IQSEC1: variants seen among roughly 807,000 people sequenced by gnomAD.
IQSEC1 encodes IQ motif and SEC7 domain-containing protein 1.
Under a neutral mutation model 91.0 loss-of-function variants are expected in IQSEC1, and 31 were observed. The observed-to-expected ratio is 0.34, with a 90% confidence interval of 0.26 to 0.46. The LOEUF is 0.46. IQSEC1 is among the 20% of genes least tolerant of loss of function. The pLI, the probability that IQSEC1 is intolerant of heterozygous loss-of-function variation, is 1.00. For synonymous variants in IQSEC1, 699 were observed against 662.6 expected, an observed-to-expected ratio of 1.05 and a Z score of -0.84; for missense variants, 1,388 against 1,575.6, an observed-to-expected ratio of 0.88 and a Z score of 2.02.
In IQSEC1 at chr3:12,935,015, G is replaced by A. The variant is rs1016207497; in HGVS notation, c.1568+433C>T. 2.4e-4 allele frequency among the ~76,000 whole-genome samples: 36 copies of A among 151,802 alleles called. No individual in the cohort carries two copies. Among genetic ancestry groups the A allele is most frequent in the Admixed American group, 4.6e-4 (7 of 15,256 alleles). Reference sequence around the variant, plus strand: ...CCCACAAGACACAGCCCTGGGTCTCGCCTGTCTGCCCCTGCCCCCCACTGA... The same window carrying A: ...CCCACAAGACACAGCCCTGGGTCTCACCTGTCTGCCCCTGCCCCCCACTGA... On this transcript the variant is annotated intron_variant, in intron 3 of 13. Transcript: ENST00000613206. The surrounding 1 kb of genome is among the most constrained non-coding windows in gnomAD (Gnocchi z 8.0).
At chr3:13,244,262 A>T (rs992911117) in intron 1 of IQSEC1, among the ~76,000 whole-genome samples, 1 of 152,156 alleles carries the variant, frequency 6.6e-6, no homozygotes, top group East Asian at 1.9e-4. Context: ...GTGCGATCTC[A>T]GCTTACTGCA....
chr3:13,143,865 G>T lies in IQSEC1; in HGVS notation c.302+20239C>A, dbSNP rs556195794. Among the ~76,000 whole-genome samples, 30 of 152,290 alleles carry T rather than the reference G, an allele frequency of 2.0e-4. No individual in the cohort carries two copies. In the South Asian group the frequency reaches 3.5e-3, roughly 18 times the overall value. ...GATGCAGCCTTGCCTGATGCCAGCTGCCCTTAGATTTTTTAGTTGCATAAA... is the reference window on the plus strand; with the variant it reads ...GATGCAGCCTTGCCTGATGCCAGCTTCCCTTAGATTTTTTAGTTGCATAAA... On this transcript the variant is annotated intron_variant, in intron 2 of 15. Transcript: ENST00000648114.
chr3:13,113,174 G>A (rs987194783), intron 2 of IQSEC1, among the ~76,000 whole-genome samples: 1 of 152,190 alleles, frequency 6.6e-6, no homozygotes. Flanking sequence ...ACACAGCTTG[G>A]GGGAAGCAGA....
Position 12,994,507 on chromosome 3 carries a change from C to G in IQSEC1, c.24-52642G>C, listed in dbSNP as rs1702144459. On this transcript the variant is annotated intron_variant, in intron 1 of 13. Transcript: ENST00000613206. The surrounding 1 kb of genome is among the most constrained non-coding windows in gnomAD (Gnocchi z 4.5). ...AGGCGCGGAACCGGGGGCACTGCGA[C>G]CCCCGGCATTTCCCTCAGACTACCC... 6.6e-6 allele frequency among the ~76,000 whole-genome samples: 1 copy of G among 152,118 alleles called. No homozygotes were observed. Among genetic ancestry groups the G allele is most frequent in the Non-Finnish European group, 1.5e-5 (1 of 68,002 alleles).
chr3:12,901,184 T>G lies in IQSEC1; in HGVS notation c.3144A>C (p.Pro1048=). The G allele has an allele frequency of 1.3e-6, 2 of 1,535,516 alleles. No individual in the cohort carries two copies. Among genetic ancestry groups the G allele is most frequent in the Non-Finnish European group, 1.8e-6 (2 of 1,138,596 alleles). The change falls in exon 14 of 14, where the codon CCA becomes CCC. Residue 1048 remains proline, a synonymous_variant. Transcript: ENST00000613206. The part of the protein sequence containing the change: ...PPYHHHHHHH[P]PQHIQHAHQY... ...GGTGTGCGTGCTGGATGTGCTGGGG[T>G]GGGTGGTGGTGGTGGTGATGGTGGT... is the stretch of plus-strand genomic sequence containing the variant.
intron 1 of IQSEC1, among the ~76,000 whole-genome samples, chr3:13,164,686 T>A (rs1693447700): frequency 6.6e-6 from 1 of 152,184 alleles, no homozygotes; most frequent in Non-Finnish European, 1.5e-5. Context: ...CAGATTGTAT[T>A]GCGCACTTGA....
intron 2 of IQSEC1, among the ~76,000 whole-genome samples, chr3:13,136,004 C>T (rs1559262239): frequency 6.6e-6 from 1 of 152,242 alleles, no homozygotes; most frequent in African/African-American, 2.4e-5. Flanking sequence ...GAGGACTACC[C>T]TGCTGGGCGG....
intron 1 of IQSEC1, among the ~76,000 whole-genome samples, chr3:12,989,885 A>G (rs888431925): frequency 1.1e-4 from 16 of 152,180 alleles, no homozygotes; most frequent in African/African-American, 3.9e-4. Flanking sequence ...AGAGCAACAA[A>G]GAGTCCGGCT....
In IQSEC1 at chr3:12,898,605, AAG is replaced by A. The variant is rs1198115641; in HGVS notation, c.*2376_*2377del. On this transcript the variant is annotated 3_prime_UTR_variant, in exon 14 of 14. Transcript: ENST00000613206. Reference sequence around the variant, plus strand: ...CTATTCATTACTGCTACCCTTCAGAAAGAGCAATTCTGTGCCAAACGGCCTGA... The same window carrying A: ...CTATTCATTACTGCTACCCTTCAGAAAGCAATTCTGTGCCAAACGGCCTGA... 6.6e-6 allele frequency: 1 copy of A among 152,200 alleles called. No homozygotes were observed. The highest frequency in any genetic ancestry group is 1.5e-5 in the Non-Finnish European group (1 of 68,024). The allele number at this position is 152,200 out of a possible 1,614,324, so 9.4% of individuals were successfully genotyped here. A position where few individuals can be genotyped will look rare whatever the true frequency, so the allele number is the denominator to read the frequency against.
chr3:12,926,689 C>T (rs1697170311), intron 3 of IQSEC1, among the ~76,000 whole-genome samples: 1 of 152,226 alleles, frequency 6.6e-6, no homozygotes, highest in African/African-American at 2.4e-5. Context: ...ATTCTTCTGT[C>T]CCCGGGGTGG....
intron 2 of IQSEC1, among the ~76,000 whole-genome samples, chr3:13,152,479 C>T (rs994230625): frequency 5.3e-5 from 8 of 152,202 alleles, no homozygotes; most frequent in Non-Finnish European, 1.2e-4. Context: ...TCTCAAAGGG[C>T]ACTTGTTTTT....
rs942082316 is a variant in IQSEC1, at chr3:13,211,425, C to T, written c.273-47292G>A. Among the ~76,000 whole-genome samples the T allele has an allele frequency of 6.6e-6, 1 of 152,060 alleles. No homozygotes were observed. The highest frequency in any genetic ancestry group is 6.5e-5 in the Admixed American group (1 of 15,278). ...TCTCTGTTTTCTGGGCCCCCACGGG[C>T]CCCCTCTGCCCCCTGCCCCAGGTCA... On this transcript the variant is annotated intron_variant, in intron 1 of 15. Coordinates refer to the IQSEC1 transcript ENST00000648114. This position sits in a 1 kb window ranked among gnomAD's most constrained non-coding sequence, Gnocchi z 5.3.
intron 1 of IQSEC1, among the ~76,000 whole-genome samples, chr3:13,184,860 C>T (rs908928912): frequency 2.6e-5 from 4 of 152,054 alleles, no homozygotes; most frequent in African/African-American, 4.8e-5. Flanking sequence ...GACGCTAGTT[C>T]GGGAGTGTCT....
chr3:12,935,528 G>A lies in IQSEC1; in HGVS notation c.1488C>T (p.Arg496=). 6.2e-7 allele frequency: 1 copy of A among 1,614,082 alleles called. No individual in the cohort carries two copies. The highest frequency in any genetic ancestry group is 8.5e-7 in the Non-Finnish European group (1 of 1,179,964). ...TAAAGGCAGGCGAGTCCCAGCTGTT[G>A]CGGGCCTCCTTGTGGTAGGTCTGCT... ...LSKQTYHKEA[R]NSWDSPAFSN... is the part of the protein sequence containing the mutation. The change falls in exon 3 of 14, where the codon CGC becomes CGT. Residue 496 remains arginine (R), a synonymous_variant. Transcript: ENST00000613206. The surrounding 1 kb of genome is among the most constrained non-coding windows in gnomAD (Gnocchi z 8.0).
intron 2 of IQSEC1, among the ~76,000 whole-genome samples, chr3:13,159,524 G>A (rs566993653): frequency 6.6e-6 from 1 of 152,166 alleles, no homozygotes; most frequent in Non-Finnish European, 1.5e-5. Context: ...AAGCACCACA[G>A]GCGACACTGA....
At chr3:12,936,789 G>C in intron 2 of IQSEC1, 92 bp from the exon 3 acceptor site, 2 of 1,292,468 alleles carry the variant, frequency 1.5e-6, no homozygotes, top group Non-Finnish European at 2.1e-6. Flanking sequence ...CCACGTGGCT[G>C]TGCGACCTGG....
intron 1 of IQSEC1, among the ~76,000 whole-genome samples, chr3:13,204,676 C>A (rs1453800779): frequency 6.6e-6 from 1 of 152,212 alleles, no homozygotes; most frequent in Non-Finnish European, 1.5e-5. Flanking sequence ...TCAGAAGGGG[C>A]GGCTCGGGTC....
intron 2 of IQSEC1, among the ~76,000 whole-genome samples, chr3:13,160,617 C>T (rs983273726): frequency 2.0e-5 from 3 of 152,200 alleles, no homozygotes; most frequent in South Asian, 2.1e-4. Context: ...GAGGGTGTTG[C>T]GGGGGCAGTC....
Position 12,899,259 on chromosome 3 carries a change from C to G in IQSEC1, c.*1724G>C, listed in dbSNP as rs917771794. On this transcript the variant is annotated 3_prime_UTR_variant, in exon 14 of 14. Coordinates refer to ENST00000613206, the MANE Select transcript of IQSEC1 (RefSeq NM_001134382.3). ...GGGGCTCCCCTCTCCTCCTGCCGTC[C>G]GGCCACGGCTCACCACGCTGTCCAC... 9 of 1,025,634 alleles carry G rather than the reference C, an allele frequency of 8.8e-6. No homozygotes were observed. The Admixed American group carries it at 2.3e-4, about 27-fold the overall frequency. The allele number at this position is 1,025,634 out of a possible 1,614,324, so 63.5% of individuals were successfully genotyped here.
Sources: allele counts gnomAD v4.1 joint callset (sites outside exome capture counted in the v4.1 genomes callset), GRCh38; gene constraint gnomAD v4.1.1; non-coding constraint Gnocchi (gnomAD v3.1); transcripts MANE v1.5; gene names NCBI Gene and HGNC (gene_info 2026-07-23, HGNC 2026-07-21).